Variants in UBE2R2 observed in about 807,000 individuals in gnomAD.
UBE2R2 encodes the protein ubiquitin-conjugating enzyme E2 R2.
A neutral mutation model predicts 27.8 loss-of-function variants in UBE2R2; 1 was observed. The ratio of observed to expected loss-of-function variants is 0.04; its 90% CI spans 0.01 to 0.17. UBE2R2 has a LOEUF of 0.17. UBE2R2 is among the 10% of genes least tolerant of loss of function. The pLI is 1.00. For synonymous variants in UBE2R2, 106 were observed against 113.3 expected, an observed-to-expected ratio of 0.94 and a Z score of 0.41; for missense variants, 100 against 291.0, an observed-to-expected ratio of 0.34 and a Z score of 4.78.
At chr9:33,829,009 A>G (rs1173700232) in intron 1 of UBE2R2, among the ~76,000 whole-genome samples, 1 of 152,128 alleles carries the variant, frequency 6.6e-6, no homozygotes, top group South Asian at 2.1e-4. Flanking sequence ...TTCTGGGATT[A>G]CAAGTGTGAG....
At chr9:33,840,770 A>G (rs1444532114) in intron 1 of UBE2R2, among the ~76,000 whole-genome samples, 2 of 152,004 alleles carry the variant, frequency 1.3e-5, no homozygotes, top group South Asian at 2.1e-4. Flanking sequence ...TTATTAAGAG[A>G]TGCTTCTGCT....
intron 1 of UBE2R2, among the ~76,000 whole-genome samples, chr9:33,878,853 G>C (rs1388937026): frequency 1.3e-5 from 2 of 152,158 alleles, no homozygotes; most frequent in African/African-American, 4.8e-5. Flanking sequence ...AAGATTGTGA[G>C]TTATTTACAC....
At chr9:33,851,265 C>G (rs967722699) in intron 1 of UBE2R2, among the ~76,000 whole-genome samples, 1 of 152,202 alleles carries the variant, frequency 6.6e-6, no homozygotes, top group Non-Finnish European at 1.5e-5. Flanking sequence ...GATAGTTTCA[C>G]CATTCCTCTG....
At chr9:33,887,582 A>C (rs1366116700) in intron 2 of UBE2R2, among the ~76,000 whole-genome samples, 1 of 152,066 alleles carries the variant, frequency 6.6e-6, no homozygotes, top group Non-Finnish European at 1.5e-5. Flanking sequence ...TCTCAGGTTG[A>C]TATATGAGGG....
At chr9:33,817,079 C>G (rs1039269150), upstream of UBE2R2, among the ~76,000 whole-genome samples, 1 of 151,840 alleles carries the variant, frequency 6.6e-6, no homozygotes. Context: ...CGCGCACGCG[C>G]GTCGGGCCGC....
At chr9:33,869,277 CA>C (rs1235968134) in intron 1 of UBE2R2, among the ~76,000 whole-genome samples, 2 of 152,032 alleles carry the variant, frequency 1.3e-5, no homozygotes, top group Non-Finnish European at 2.9e-5. Flanking sequence ...CAAACAAAAA[CA>C]TGTAATTTTT....
At chr9:33,884,579 AT>A in intron 1 of UBE2R2, among the ~76,000 whole-genome samples, 2 of 152,082 alleles carry the variant, frequency 1.3e-5, no homozygotes, top group Middle Eastern at 6.8e-3. Flanking sequence ...CTTTTTGTGG[AT>A]TTTTAAAAAT....
intron 1 of UBE2R2, among the ~76,000 whole-genome samples, chr9:33,872,786 CAAA>C (rs761913485): frequency 3.0e-5 from 3 of 98,578 alleles, no homozygotes; most frequent in Admixed American, 1.1e-4. Context: ...AACTCCATTT[CAAA>C]AAAAAAAAAA....
At chr9:33,817,128 T>TCCTCCCTCTCTCCCTC (rs1347936544), upstream of UBE2R2, among the ~76,000 whole-genome samples, 3 of 145,196 alleles carry the variant, frequency 2.1e-5, no homozygotes, top group Admixed American at 6.8e-5. Context: ...CGTGCGCCCC[T>TCCTCCCTCTCTCCCTC]CCTCCCTCTC....
At chr9:33,857,508 G>T (rs1038806355) in intron 1 of UBE2R2, among the ~76,000 whole-genome samples, 1 of 151,658 alleles carries the variant, frequency 6.6e-6, no homozygotes, top group Non-Finnish European at 1.5e-5. Flanking sequence ...AGTTGATGGG[G>T]TTTCACCATG....
chr9:33,864,944 G>A (rs1821326991), intron 1 of UBE2R2, among the ~76,000 whole-genome samples: 1 of 151,852 alleles, frequency 6.6e-6, no homozygotes, highest in African/African-American at 2.4e-5. Flanking sequence ...GGCTGGTCTT[G>A]AACTCCTGAC....
chr9:33,896,694 C>T (rs777179102), intron 2 of UBE2R2, among the ~76,000 whole-genome samples: 1 of 151,686 alleles, frequency 6.6e-6, no homozygotes, highest in Non-Finnish European at 1.5e-5. Flanking sequence ...GTGATCTGCC[C>T]GCCTTGGCCT....
At chr9:33,836,364 A>G (rs1820614972) in intron 1 of UBE2R2, among the ~76,000 whole-genome samples, 1 of 152,216 alleles carries the variant, frequency 6.6e-6, no homozygotes, top group African/African-American at 2.4e-5. Flanking sequence ...AAATTGCCTA[A>G]TGATGCATTT....
intron 1 of UBE2R2, among the ~76,000 whole-genome samples, chr9:33,853,069 A>G (rs1002872999): frequency 6.6e-6 from 1 of 152,122 alleles, no homozygotes; most frequent in African/African-American, 2.4e-5. Context: ...GTTAAGATGG[A>G]AGGCCCAACT....
At chr9:33,838,081 A>G (rs1820652803) in intron 1 of UBE2R2, among the ~76,000 whole-genome samples, 1 of 152,026 alleles carries the variant, frequency 6.6e-6, no homozygotes, top group African/African-American at 2.4e-5. Context: ...AAAATCTTGA[A>G]TGGTCAAGTC....
intron 3 of UBE2R2, 108 bp from the exon 4 acceptor site, chr9:33,911,856 T>A: frequency 9.1e-7 from 1 of 1,097,508 alleles, no homozygotes; most frequent in Non-Finnish European, 1.2e-6. Context: ...CAGAAAAATT[T>A]TAAGGGAGGG....
At chr9:33,858,165 C>A (rs866344767) in intron 1 of UBE2R2, among the ~76,000 whole-genome samples, 1 of 152,138 alleles carries the variant, frequency 6.6e-6, no homozygotes, top group African/African-American at 2.4e-5. Context: ...AATAACAATT[C>A]TCTTTTGTTG....
rs569284195 is a variant in UBE2R2 at position 33,822,280 on chromosome 9, G to T, written c.177+4346G>T. ...CTAATTCTGTATTTTTGGTAGAGAC[G>T]AGGTTTCTCCATGTTGGTTAGGCTG... On this transcript the variant is annotated intron_variant, in intron 1 of 4. Coordinates refer to ENST00000263228, the MANE Select transcript of UBE2R2 (RefSeq NM_017811.4). Among the ~76,000 whole-genome samples, 16 of 151,840 alleles carry T rather than the reference G, an allele frequency of 1.1e-4. No individual in the cohort carries two copies. In the South Asian group the frequency reaches 2.7e-3, roughly 26 times the overall value.
intron 1 of UBE2R2, among the ~76,000 whole-genome samples, chr9:33,876,085 G>A (rs1821596852): frequency 6.6e-6 from 1 of 152,036 alleles, no homozygotes; most frequent in African/African-American, 2.4e-5. Flanking sequence ...ATAAGGGCTG[G>A]GCATGGTGAC....
Sources: gnomAD v4.1 joint callset for allele counts (sites outside exome capture counted in the v4.1 genomes callset) on GRCh38, gnomAD v4.1.1 for gene constraint, MANE v1.5 for transcripts, NCBI Gene and HGNC (gene_info 2026-07-23, HGNC 2026-07-21) for gene names.